Variants in CCDC73 observed in about 807,000 individuals in gnomAD.
The protein encoded by CCDC73 is coiled-coil domain containing 73.
Under a neutral mutation model 116.5 loss-of-function variants are expected in CCDC73, and 95 were observed. The ratio of observed to expected loss-of-function variants is 0.82; its 90% CI spans 0.69 to 0.97. The LOEUF (loss-of-function observed/expected upper bound fraction) is 0.97. Ranked by LOEUF, CCDC73 falls within the 50% of genes least tolerant of loss-of-function variation. The pLI is 0.00. For synonymous variants in CCDC73, 398 were observed against 401.3 expected, an observed-to-expected ratio of 0.99 and a Z score of 0.10; for missense variants, 1,066 against 1,206.8, an observed-to-expected ratio of 0.88 and a Z score of 1.73.
chr11:32,809,915 T>C, the CCDC73 span, among the ~76,000 whole-genome samples: 1 of 152,218 alleles, frequency 6.6e-6, no homozygotes, highest in Non-Finnish European at 1.5e-5. Context: ...GTTATTTTAA[T>C]TAGGGAAATT....
chr11:32,692,049 C>CAAAAAAA (rs1173539877), intron 6 of CCDC73, among the ~76,000 whole-genome samples: 3 of 60,756 alleles, frequency 4.9e-5, no homozygotes, highest in African/African-American at 1.1e-4. Context: ...CTCCGTCTCA[C>CAAAAAAA]AAAAAAAAAA....
Position 32,654,883 on chromosome 11 carries a change from TTTAA to T in CCDC73, c.731_734del (p.Ile244LysfsTer18). 2 of 1,598,324 alleles carry T rather than the reference TTTAA, an allele frequency of 1.3e-6. No homozygotes were observed. The highest frequency in any genetic ancestry group is 2.2e-5 in the East Asian group (1 of 44,524). The stretch of plus-strand genomic sequence containing the variant: ...CTTGAAGTTCTTGAAATTTTTGTTC[TTTAA>T]TTGTTAGATTGATGTTTTCTTCTCC... On this transcript the variant is annotated frameshift_variant, in exon 10 of 18. Coordinates refer to ENST00000335185, the MANE Select transcript of CCDC73 (RefSeq NM_001008391.4). LOFTEE classifies it high-confidence loss of function.
chr11:32,696,154 C>T (rs927908375), intron 6 of CCDC73, among the ~76,000 whole-genome samples: 2 of 152,080 alleles, frequency 1.3e-5, no homozygotes, highest in Non-Finnish European at 2.9e-5. Context: ...CTTCTTGCTA[C>T]ATCATTATTT....
chr11:32,630,961 T>C (rs539475509), intron 14 of CCDC73, among the ~76,000 whole-genome samples: 2 of 152,254 alleles, frequency 1.3e-5, no homozygotes, highest in South Asian at 2.1e-4. Flanking sequence ...AGACAAGAGA[T>C]ATTACTAGGA....
chr11:32,804,206 A>G, the CCDC73 span, among the ~76,000 whole-genome samples: 31 of 152,192 alleles, frequency 2.0e-4, no homozygotes, highest in African/African-American at 7.5e-4. Context: ...TGACACAACC[A>G]CAGCTCACTG....
chr11:32,768,080 C>T (rs1402094438), intron 1 of CCDC73, among the ~76,000 whole-genome samples: 1 of 152,168 alleles, frequency 6.6e-6, no homozygotes, highest in Non-Finnish European at 1.5e-5. Flanking sequence ...CCCAGATGTC[C>T]ATCAATGATA....
rs777842738 is a variant in CCDC73, at chr11:32,675,610, T to G, written c.600A>C (p.Ser200=). 1 of 1,592,738 alleles carries G rather than the reference T, an allele frequency of 6.3e-7. No homozygotes were observed. Among genetic ancestry groups the G allele is most frequent in the Non-Finnish European group, 8.5e-7 (1 of 1,173,638 alleles). ...CAGCTTCTTGTTTTTTATTTAAAGC[T>G]GAAAGTCTTTTGTTTGATTGTATTG... ...REAIQSNKRL[S]ALNKKQEAEI... Residue 200 remains serine, a synonymous_variant, in exon 9 of 18, where the codon TCA becomes TCC. Transcript: ENST00000335185.
chr11:32,682,153 T>G (rs1305686088), intron 7 of CCDC73: 1 of 151,840 alleles, frequency 6.6e-6, no homozygotes, highest in African/African-American at 2.4e-5. Context: ...TTGATGAAAT[T>G]TGAAAGTGGA....
At chr11:32,619,290 T>C (rs959391354) in intron 14 of CCDC73, among the ~76,000 whole-genome samples, 6 of 152,246 alleles carry the variant, frequency 3.9e-5, no homozygotes, top group Non-Finnish European at 8.8e-5. Flanking sequence ...AGTATTCTAA[T>C]GCACATTTAG....
chr11:32,657,716 C>A (rs1298480308), intron 9 of CCDC73, among the ~76,000 whole-genome samples: 1 of 152,092 alleles, frequency 6.6e-6, no homozygotes, highest in Non-Finnish European at 1.5e-5. Flanking sequence ...ATTGGTAATA[C>A]CTCTATATCT....
intron 2 of CCDC73, among the ~76,000 whole-genome samples, chr11:32,722,775 A>C (rs1850000730): frequency 6.6e-6 from 1 of 152,152 alleles, no homozygotes; most frequent in Admixed American, 6.5e-5. Flanking sequence ...GTGGGTTCTG[A>C]GGCCTTACCA....
chr11:32,685,398 T>C (rs571422251), intron 6 of CCDC73, among the ~76,000 whole-genome samples: 120 of 152,098 alleles, frequency 7.9e-4, no homozygotes, highest in African/African-American at 2.7e-3. Flanking sequence ...GGGAAGACGA[T>C]TACACAGGAC....
At chr11:32,776,933 AAAAAT>A (rs1850537398) in intron 1 of CCDC73, among the ~76,000 whole-genome samples, 1 of 26,660 alleles carries the variant, frequency 3.8e-5, no homozygotes, top group African/African-American at 1.1e-4. Flanking sequence ...GTTAAAAAAA[AAAAAT>A]ATATATATAT....
intron 14 of CCDC73, among the ~76,000 whole-genome samples, chr11:32,625,896 A>G (rs1855568236): frequency 6.7e-6 from 1 of 149,060 alleles, no homozygotes; most frequent in Non-Finnish European, 1.5e-5. Flanking sequence ...AAAAACTGGA[A>G]GCATTCCCTT....
intron 7 of CCDC73, chr11:32,680,547 G>A (rs1856133919): frequency 2.0e-5 from 3 of 152,044 alleles, no homozygotes; most frequent in Admixed American, 6.6e-5. Flanking sequence ...TATGTGTGTA[G>A]TCTAAAAGCT....
intron 12 of CCDC73, among the ~76,000 whole-genome samples, chr11:32,649,380 G>A (rs1771686724): frequency 6.6e-6 from 1 of 151,982 alleles, no homozygotes; most frequent in South Asian, 2.1e-4. Flanking sequence ...CTTATAACTG[G>A]ACTAAACTAT....
intron 12 of CCDC73, among the ~76,000 whole-genome samples, chr11:32,644,655 C>A (rs1855761171): frequency 6.6e-6 from 1 of 152,120 alleles, no homozygotes; most frequent in Non-Finnish European, 1.5e-5. Context: ...TTCCCCTCCC[C>A]AGTTGTTCAT....
intron 12 of CCDC73, among the ~76,000 whole-genome samples, chr11:32,649,354 C>T (rs970933620): frequency 6.6e-6 from 1 of 152,152 alleles, no homozygotes; most frequent in Non-Finnish European, 1.5e-5. Flanking sequence ...ACTATGACTA[C>T]AGGAACATAA....
At chr11:32,764,814 C>A (rs900570509) in intron 1 of CCDC73, among the ~76,000 whole-genome samples, 2 of 152,144 alleles carry the variant, frequency 1.3e-5, no homozygotes, top group Non-Finnish European at 2.9e-5. Flanking sequence ...AAGACACAGA[C>A]TGGCAAGTTG....
Sources: gnomAD v4.1 joint callset for allele counts (sites outside exome capture counted in the v4.1 genomes callset) on GRCh38, gnomAD v4.1.1 for gene constraint, MANE v1.5 for transcripts, NCBI Gene and HGNC (gene_info 2026-07-23, HGNC 2026-07-21) for gene names.